IST1: variants seen among roughly 807,000 people sequenced by gnomAD.
The protein encoded by IST1 is IST1 homolog.
Under a neutral mutation model 37.0 loss-of-function variants are expected in IST1, and 23 were observed. The ratio of observed to expected loss-of-function variants is 0.62; its 90% confidence interval spans 0.45 to 0.88. The LOEUF (loss-of-function observed/expected upper bound fraction) is 0.88, where lower values mean the gene tolerates loss of function less well. Among genes scored for constraint, IST1 ranks in the 40% least tolerant of loss-of-function variants. The pLI is 0.00. For synonymous variants in IST1, 180 were observed against 161.7 expected, an observed-to-expected ratio of 1.11 and a Z score of -0.86; for missense variants, 488 against 445.4, an observed-to-expected ratio of 1.10 and a Z score of -0.86.
intron 2 of IST1, 21 bp from the exon 3 acceptor site, chr16:71,916,441 G>A (rs201789226): frequency 1.1e-5 from 18 of 1,609,988 alleles, no homozygotes; most frequent in African/African-American, 4.0e-5. Context: ...CTGTGAGATC[G>A]GAGTGGGATT....
chr16:71,929,567 C>T lies in IST1; in HGVS notation c.*1754C>T. 6.4e-7 allele frequency: 1 copy of T among 1,551,276 alleles called. No homozygotes were observed. The highest frequency in any genetic ancestry group is 8.7e-7 in the Non-Finnish European group (1 of 1,146,878). ...GGTAGTTCATCTAAAACTTCAGTGT[C>T]ACTGCCCACTGCTGTCGTGGCTGCT... On this transcript the variant is annotated 3_prime_UTR_variant, in exon 10 of 10. Coordinates refer to ENST00000378799, the MANE Select transcript of IST1 (RefSeq NM_001270975.2).
chr16:71,930,744 C>T lies in IST1; in HGVS notation c.*2931C>T, dbSNP rs552911700. 6.6e-6 allele frequency: 1 copy of T among 152,024 alleles called. No individual in the cohort carries two copies. The highest frequency in any genetic ancestry group is 1.5e-5 in the Non-Finnish European group (1 of 67,984). The allele number at this position is 152,024 out of a possible 1,614,324, so 9.4% of individuals were successfully genotyped here. Reference sequence around the variant, plus strand: ...GCATACATAAATATCAAGTTCTGGGCTTATTGGAATGGTTCCCATAACAAA... The same window carrying T: ...GCATACATAAATATCAAGTTCTGGGTTTATTGGAATGGTTCCCATAACAAA... On this transcript the variant is annotated 3_prime_UTR_variant, in exon 10 of 10. Coordinates refer to ENST00000378799, the MANE Select transcript of IST1 (RefSeq NM_001270975.2).
rs1364166370 is a variant in IST1, at chr16:71,930,343, A to C, written c.*2530A>C. 3 of 660,300 alleles carry C rather than the reference A, an allele frequency of 4.5e-6. No individual in the cohort carries two copies. The highest frequency in any genetic ancestry group is 7.0e-6 in the Non-Finnish European group (3 of 431,538). 40.9% of individuals were successfully genotyped at this position (660,300 alleles called of 1,614,324 possible). Reference sequence around the variant, plus strand: ...GATAATAAGAAGGAAAATACTTTTAAATGGACAGAAGAGCAGGAATGACTC... The same window carrying C: ...GATAATAAGAAGGAAAATACTTTTACATGGACAGAAGAGCAGGAATGACTC... On this transcript the variant is annotated 3_prime_UTR_variant, in exon 10 of 10. Transcript: ENST00000378799.
intron 1 of IST1, among the ~76,000 whole-genome samples, chr16:71,910,560 T>C (rs1469305445): frequency 6.7e-6 from 1 of 149,892 alleles, no homozygotes; most frequent in Admixed American, 6.7e-5. Context: ...GGGCCGAGAT[T>C]GTGCCGCTGC....
At chr16:71,914,112 TTTG>T (rs2037417619) in intron 1 of IST1, among the ~76,000 whole-genome samples, 1 of 53,412 alleles carries the variant, frequency 1.9e-5, no homozygotes, top group Non-Finnish European at 3.3e-5. Flanking sequence ...CCGGCTGGTT[TTTG>T]TTGTTTGTTG....
rs775793895 is a variant in IST1, at chr16:71,915,612, T to G, written c.-15-14T>G. Reference sequence around the variant, plus strand: ...TTGACTTGAAAATAGTCATTGTGCTTCTTCTGTTTCTAGGAGGAACAGCAC... The same window carrying G: ...TTGACTTGAAAATAGTCATTGTGCTGCTTCTGTTTCTAGGAGGAACAGCAC... On this transcript the variant is annotated splice_polypyrimidine_tract_variant and intron_variant, in intron 1 of 9. Transcript: ENST00000378799. 16 of 1,579,600 alleles carry G rather than the reference T, an allele frequency of 1.0e-5. No homozygotes were observed. In the East Asian group the frequency reaches 1.6e-4, roughly 16 times the overall value.
chr16:71,915,754 A>G (rs746387861), intron 2 of IST1, 26 bp downstream of exon 2: 4 of 1,438,778 alleles, frequency 2.8e-6, no homozygotes, highest in East Asian at 4.5e-5. Flanking sequence ...TTTTTCCCCA[A>G]AAATAAATCA....
At chr16:71,898,736 T>C (rs143930771) in intron 1 of IST1, among the ~76,000 whole-genome samples, 1 of 151,084 alleles carries the variant, frequency 6.6e-6, no homozygotes, top group Non-Finnish European at 1.5e-5. Flanking sequence ...CCCAGCACTT[T>C]GGGAGGCCAA....
Position 71,915,618 on chromosome 16 carries a change from G to C in IST1, c.-15-8G>C, listed in dbSNP as rs2037450312. 1.3e-6 allele frequency: 2 copies of C among 1,593,342 alleles called. No individual in the cohort carries two copies. Among genetic ancestry groups the C allele is most frequent in the African/African-American group, 2.7e-5 (2 of 73,842 alleles). ...TGAAAATAGTCATTGTGCTTCTTCT[G>C]TTTCTAGGAGGAACAGCACAGCATG... On this transcript the variant is annotated splice_polypyrimidine_tract_variant and splice_region_variant and intron_variant, in intron 1 of 9. Coordinates refer to ENST00000378799, the MANE Select transcript of IST1 (RefSeq NM_001270975.2).
Position 71,930,253 on chromosome 16 carries a change from G to C in IST1, c.*2440G>C. The C allele has an allele frequency of 7.1e-7, 1 of 1,404,864 alleles. No homozygotes were observed. The highest frequency in any genetic ancestry group is 1.7e-5 in the South Asian group (1 of 60,486). 87.0% of individuals were successfully genotyped at this position (1,404,864 alleles called of 1,614,324 possible). ...TATACTTTACAAACATAAGCTATAT[G>C]CTAGTGTTTGGGATCTTATCAGAAG... On this transcript the variant is annotated 3_prime_UTR_variant, in exon 10 of 10. Transcript: ENST00000378799.
Position 71,921,469 on chromosome 16 carries a change from A to C in IST1, c.552+16A>C. On this transcript the variant is annotated intron_variant, in intron 6 of 9. Transcript: ENST00000378799. ...TGTGGTCATGGTAAGTTTATCCCAG[A>C]ATACAAAGAAAAATGAGTTTGTAGG... 6.7e-7 allele frequency: 1 copy of C among 1,488,812 alleles called. No homozygotes were observed. The highest frequency in any genetic ancestry group is 9.4e-7 in the Non-Finnish European group (1 of 1,067,610). The allele number at this position is 1,488,812 out of a possible 1,614,324, so 92.2% of individuals were successfully genotyped here.
intron 1 of IST1, among the ~76,000 whole-genome samples, chr16:71,905,658 G>T (rs1018304605): frequency 2.0e-5 from 3 of 152,214 alleles, no homozygotes; most frequent in Non-Finnish European, 4.4e-5. Context: ...GGGATTACAG[G>T]CGTGAGCCAC....
intron 5 of IST1, chr16:71,921,079 G>C: frequency 1.7e-6 from 1 of 600,632 alleles, no homozygotes; most frequent in Non-Finnish European, 3.0e-6. Flanking sequence ...GAAGTGAGGT[G>C]GGGAGAAGGG....
chr16:71,929,503 C>G lies in IST1; in HGVS notation c.*1690C>G. 1 of 1,521,838 alleles carries G rather than the reference C, an allele frequency of 6.6e-7. No individual in the cohort carries two copies. Among genetic ancestry groups the G allele is most frequent in the Non-Finnish European group, 8.8e-7 (1 of 1,134,240 alleles). The allele number at this position is 1,521,838 out of a possible 1,614,324, so 94.3% of individuals were successfully genotyped here. A position where few individuals can be genotyped will look rare whatever the true frequency, so the allele number is the denominator to read the frequency against. ...CCATGCAAAGATAAGTAGTAATACGCTAATAAATACTAAGCCAAGTAGGAG... is the reference window on the plus strand; with the variant it reads ...CCATGCAAAGATAAGTAGTAATACGGTAATAAATACTAAGCCAAGTAGGAG... On this transcript the variant is annotated 3_prime_UTR_variant, in exon 10 of 10. Transcript: ENST00000378799.
intron 1 of IST1, among the ~76,000 whole-genome samples, chr16:71,909,357 G>A (rs537604382): frequency 6.6e-5 from 10 of 152,126 alleles, no homozygotes; most frequent in African/African-American, 2.4e-4. Flanking sequence ...CTCCTGCCCG[G>A]ACCTCCCAAA....
intron 1 of IST1, among the ~76,000 whole-genome samples, chr16:71,913,278 C>CTT (rs112350785): frequency 6.9e-5 from 10 of 145,932 alleles, no homozygotes; most frequent in African/African-American, 2.5e-4. Flanking sequence ...TTGAAATTTT[C>CTT]TTTTTTTTTT....
intron 6 of IST1, chr16:71,921,739 C>A: frequency 3.1e-6 from 1 of 323,598 alleles, no homozygotes; most frequent in East Asian, 6.8e-5. Context: ...CTGTTCATAG[C>A]AAGAAATGCC....
At chr16:71,926,924 AT>A (rs2037758018) in intron 9 of IST1, among the ~76,000 whole-genome samples, 1 of 152,282 alleles carries the variant, frequency 6.6e-6, no homozygotes, top group East Asian at 1.9e-4. Context: ...TGGACATTAT[AT>A]TCCTTTAAAA....
At chr16:71,927,516 G>A in intron 9 of IST1, 98 bp from the exon 10 acceptor site, 2 of 873,444 alleles carry the variant, frequency 2.3e-6, no homozygotes, top group South Asian at 1.6e-5. Flanking sequence ...TGTGAACTAA[G>A]GTTTTCTCCT....
Sources: allele counts gnomAD v4.1 joint callset (sites outside exome capture counted in the v4.1 genomes callset), GRCh38; gene constraint gnomAD v4.1.1; transcripts MANE v1.5; gene names NCBI Gene and HGNC (gene_info 2026-07-23, HGNC 2026-07-21).